Variants in STXBP5L observed in about 807,000 individuals in gnomAD.
The protein encoded by STXBP5L is syntaxin binding protein 5L.
STXBP5L carries 65 observed loss-of-function variants against 144.5 expected under a neutral mutation model. The observed-to-expected ratio is 0.45, with a 90% confidence interval of 0.37 to 0.55. The LOEUF (loss-of-function observed/expected upper bound fraction) is 0.55. Ranked by LOEUF, STXBP5L falls within the 20% of genes least tolerant of loss-of-function variation. The pLI is 0.00. For synonymous variants in STXBP5L, 505 were observed against 469.6 expected (o/e 1.08, Z -0.97); for missense variants, 1,298 against 1,405.5 (o/e 0.92, Z 1.22).
intron 5 of STXBP5L, among the ~76,000 whole-genome samples, chr3:121,101,901 A>G (rs2043445367): frequency 6.6e-6 from 1 of 151,544 alleles, no homozygotes; most frequent in Admixed American, 6.6e-5. Flanking sequence ...CAAAGTCAGT[A>G]GCATTTCTAT....
intron 7 of STXBP5L, among the ~76,000 whole-genome samples, chr3:121,127,714 A>G (rs2044775923): frequency 6.6e-6 from 1 of 151,944 alleles, no homozygotes; most frequent in South Asian, 2.1e-4. Context: ...TTCTGGGTGC[A>G]CATGAATTTT....
At chr3:120,993,729 A>T (rs1052565470) in intron 3 of STXBP5L, among the ~76,000 whole-genome samples, 2 of 152,078 alleles carry the variant, frequency 1.3e-5, no homozygotes, top group African/African-American at 4.8e-5. Flanking sequence ...GACATCAGGT[A>T]GTGTGATGCT....
chr3:121,284,017 T>C (rs1178701448), intron 19 of STXBP5L, among the ~76,000 whole-genome samples: 4 of 151,888 alleles, frequency 2.6e-5, no homozygotes, highest in African/African-American at 7.2e-5. Context: ...GTAATAAACT[T>C]GTAATTATTT....
At position 121,384,536 on chromosome 3, in the gene STXBP5L, G is replaced by C. The variant is rs1278092666; in HGVS notation, c.2587+3004G>C. The stretch of plus-strand genomic sequence containing the variant: ...TTTTTGAAAGACTAAAGTCAGTACA[G>C]TGTGAGTAAAAATCTAGAAGTAAGA... On this transcript the variant is annotated intron_variant, in intron 22 of 26. Coordinates refer to ENST00000471454, the MANE Select transcript of STXBP5L (RefSeq NM_001308330.2). 2.0e-5 allele frequency among the ~76,000 whole-genome samples: 3 copies of C among 152,196 alleles called. No homozygotes were observed. The East Asian group carries it at 5.8e-4, about 29-fold the overall frequency.
chr3:121,131,324 G>T (rs1009799557), intron 7 of STXBP5L, among the ~76,000 whole-genome samples: 1 of 152,100 alleles, frequency 6.6e-6, no homozygotes, highest in South Asian at 2.1e-4. Context: ...TATTAACAGT[G>T]ATACCAATGG....
chr3:121,257,122 A>C, intron 16 of STXBP5L, 39 bp from the exon 17 acceptor site: 1 of 1,425,208 alleles, frequency 7.0e-7, no homozygotes, highest in Non-Finnish European at 9.7e-7. Flanking sequence ...GATGATTATT[A>C]GTGTGACTTA....
At chr3:121,344,506 A>G (rs1052580223) in intron 20 of STXBP5L, among the ~76,000 whole-genome samples, 1 of 152,108 alleles carries the variant, frequency 6.6e-6, no homozygotes, top group Non-Finnish European at 1.5e-5. Flanking sequence ...AGATACATGG[A>G]GAGGCCATGG....
intron 2 of STXBP5L, among the ~76,000 whole-genome samples, chr3:120,945,754 A>G (rs28578135): frequency 0.099 from 15,060 of 151,788 alleles, 1,180 homozygotes; most frequent in Admixed American, 0.2. Context: ...CAGAGTTGGC[A>G]TCAGTTCATT....
chr3:121,060,917 A>G (rs2107629356), intron 5 of STXBP5L, among the ~76,000 whole-genome samples: 1 of 152,210 alleles, frequency 6.6e-6, no homozygotes, highest in Non-Finnish European at 1.5e-5. Context: ...TTTTCAAAAA[A>G]CCAGCTCCTG....
intron 9 of STXBP5L, among the ~76,000 whole-genome samples, chr3:121,189,356 T>G (rs2047537918): frequency 1.3e-5 from 2 of 152,238 alleles, no homozygotes; most frequent in African/African-American, 4.8e-5. Context: ...CTGTTTTAGG[T>G]CTAACATTTA....
intron 5 of STXBP5L, among the ~76,000 whole-genome samples, chr3:121,106,757 C>A (rs2043732298): frequency 6.6e-6 from 1 of 151,944 alleles, no homozygotes; most frequent in African/African-American, 2.4e-5. Context: ...GGGTATATAC[C>A]CAGTAATGGG....
At position 121,132,397 on chromosome 3, in the gene STXBP5L, G is replaced by C. The variant is rs561900011; in HGVS notation, c.669+10693G>C. 9.6e-4 allele frequency among the ~76,000 whole-genome samples: 146 copies of C among 152,306 alleles called. 1 individual carries two copies. Among genetic ancestry groups the C allele is most frequent in the African/African-American group, 3.1e-3 (130 of 41,578 alleles). On this transcript the variant is annotated intron_variant, in intron 7 of 26. Transcript: ENST00000471454. ...ACCAAGGTGGTGGCTTGAGCTGGTA[G>C]ATGCCATAGCTACCCCACTGGGGTC... is the stretch of plus-strand genomic sequence containing the variant.
chr3:121,252,598 T>TA (rs1325233814), intron 15 of STXBP5L, among the ~76,000 whole-genome samples: 2 of 152,132 alleles, frequency 1.3e-5, no homozygotes, highest in Non-Finnish European at 2.9e-5. Context: ...ATGGATGTCT[T>TA]AAAAAAATTA....
chr3:121,108,703 G>T (rs986707074), intron 5 of STXBP5L, among the ~76,000 whole-genome samples: 3 of 152,086 alleles, frequency 2.0e-5, no homozygotes. Flanking sequence ...GCCAGGTTTT[G>T]GTATCAGGAT....
chr3:120,960,807 G>A (rs966668536), intron 3 of STXBP5L, among the ~76,000 whole-genome samples: 4 of 152,058 alleles, frequency 2.6e-5, no homozygotes, highest in Non-Finnish European at 5.9e-5. Context: ...TATACGTAAT[G>A]TAAATGACGA....
In STXBP5L at chr3:120,975,372, G is replaced by C. The variant is rs538381544; in HGVS notation, c.287+20335G>C. ...CTGTTATTGGTGTATAAGAATGCTT[G>C]TGATTTTTGCACATTGATTTTGTAT... On this transcript the variant is annotated intron_variant, in intron 3 of 26. Coordinates refer to ENST00000471454, the MANE Select transcript of STXBP5L (RefSeq NM_001308330.2). Among the ~76,000 whole-genome samples, 82 of 152,252 alleles carry C rather than the reference G, an allele frequency of 5.4e-4. 4 individuals carry two copies. In the East Asian group the frequency reaches 0.015, roughly 27 times the overall value.
intron 22 of STXBP5L, among the ~76,000 whole-genome samples, chr3:121,385,728 T>C (rs765228739): frequency 1.3e-5 from 2 of 152,182 alleles, no homozygotes; most frequent in African/African-American, 2.4e-5. Flanking sequence ...ATTTTCATCA[T>C]TGAATTTTCA....
chr3:121,157,699 A>G (rs984591158), intron 9 of STXBP5L, 72 bp downstream of exon 9: 1 of 1,529,564 alleles, frequency 6.5e-7, no homozygotes. Context: ...GAGAGATGGT[A>G]TTAATGCGTT....
intron 3 of STXBP5L, among the ~76,000 whole-genome samples, chr3:120,974,345 G>C (rs1441452793): frequency 6.6e-6 from 1 of 152,002 alleles, no homozygotes; most frequent in Non-Finnish European, 1.5e-5. Context: ...GTCTTCTTTT[G>C]AGAAGTGTCT....
Sources: gnomAD v4.1 joint callset for allele counts (sites outside exome capture counted in the v4.1 genomes callset) on GRCh38, gnomAD v4.1.1 for gene constraint, MANE v1.5 for transcripts, NCBI Gene and HGNC (gene_info 2026-07-23, HGNC 2026-07-21) for gene names.